The following TMEM59 variants were observed in gnomAD, a reference collection of about 807,000 sequenced individuals.
The protein encoded by TMEM59 is dendritic cell factor 1.
TMEM59 carries 44 observed loss-of-function variants against 42.2 expected under a neutral mutation model. That is an observed-to-expected ratio of 1.04 (90% confidence interval 0.82 to 1.34). TMEM59 has a LOEUF of 1.34. TMEM59 is among the 40% of genes most tolerant of loss of function. The probability of loss-of-function intolerance (pLI) is 0.00; values close to 1 mark genes in which losing one functional copy is unlikely to be tolerated. For missense variants in TMEM59, 359 were observed against 382.8 expected (o/e 0.94, Z 0.52); for synonymous variants, 148 against 145.8 (o/e 1.02, Z -0.11).
rs1433034009 is a variant in TMEM59, at chr1:54,027,670, G to A, written c.*4480C>T. On this transcript the variant is annotated 3_prime_UTR_variant, in exon 8 of 8. Coordinates refer to ENST00000234831, the MANE Select transcript of TMEM59 (RefSeq NM_004872.5). The stretch of plus-strand genomic sequence containing the variant: ...TGTAGTACCAGCTACTTGGGAGGCT[G>A]AGGCACGAGAATCGCTTGAACCTGG... 2 of 152,048 alleles carry A rather than the reference G, an allele frequency of 1.3e-5. No individual in the cohort carries two copies. The highest frequency in any genetic ancestry group is 2.9e-5 in the Non-Finnish European group (2 of 68,060). The allele number at this position is 152,048 out of a possible 1,614,324, so 9.4% of individuals were successfully genotyped here.
chr1:54,040,835 G>A lies in TMEM59; in HGVS notation c.628C>T (p.Leu210=). 1.2e-6 allele frequency: 2 copies of A among 1,613,298 alleles called. No homozygotes were observed. Among genetic ancestry groups the A allele is most frequent in the Non-Finnish European group, 1.7e-6 (2 of 1,179,488 alleles). ...RESSLSKMSY[L]QMRNSQAHRN... ...TGCGCTTGTGAATTTCTCATTTGCA[G>A]ATCTGCTGAAATAGTAAGTATGAGT... The change falls in exon 6 of 8, where the codon CTG becomes TTG. Residue 210 remains leucine (L), a splice_region_variant and synonymous_variant. Coordinates refer to ENST00000234831, the MANE Select transcript of TMEM59 (RefSeq NM_004872.5).
At chr1:54,038,996 A>G (rs1657048051) in intron 6 of TMEM59, among the ~76,000 whole-genome samples, 1 of 152,124 alleles carries the variant, frequency 6.6e-6, no homozygotes, top group Non-Finnish European at 1.5e-5. Flanking sequence ...GGTGTGTGCC[A>G]CCATGTCCAG....
At position 54,035,566 on chromosome 1, in the gene TMEM59, G is replaced by A. The variant is rs78770877; in HGVS notation, c.816+1044C>T. 1.2e-4 allele frequency among the ~76,000 whole-genome samples: 19 copies of A among 152,060 alleles called. No individual in the cohort carries two copies. In the East Asian group the frequency reaches 3.5e-3, roughly 28 times the overall value. On this transcript the variant is annotated intron_variant, in intron 7 of 7. Coordinates refer to ENST00000234831, the MANE Select transcript of TMEM59 (RefSeq NM_004872.5). Reference sequence around the variant, plus strand: ...TCACAATGTCTCCCATCTCTTTTGGGGTTAGATACCAGAATATAACAACTC... The same window carrying A: ...TCACAATGTCTCCCATCTCTTTTGGAGTTAGATACCAGAATATAACAACTC...
At chr1:54,040,606 A>G (rs1022967128) in intron 6 of TMEM59, 150 bp downstream of exon 6, 1 of 622,970 alleles carries the variant, frequency 1.6e-6, no homozygotes, top group Non-Finnish European at 2.7e-6. Flanking sequence ...CCTTTTAAAC[A>G]AACTAAAATA....
At chr1:54,045,583 A>T in intron 3 of TMEM59, 109 bp downstream of exon 3, 1 of 1,093,742 alleles carries the variant, frequency 9.1e-7, no homozygotes. Flanking sequence ...CTGAAAGCCA[A>T]ATATAAAATA....
At chr1:54,040,645 G>A (rs1206254580) in intron 6 of TMEM59, 111 bp downstream of exon 6, 1 of 796,096 alleles carries the variant, frequency 1.3e-6, no homozygotes, top group African/African-American at 1.8e-5. Flanking sequence ...AAAGGAACAA[G>A]TAAAAAGGTT....
At position 54,040,735 on chromosome 1, in the gene TMEM59, A is replaced by G. The variant is rs748103186; in HGVS notation, c.707+21T>C. The G allele has an allele frequency of 1.6e-5, 26 of 1,579,808 alleles. No individual in the cohort carries two copies. The South Asian group carries it at 2.7e-4, about 16-fold the overall frequency. On this transcript the variant is annotated intron_variant, in intron 6 of 7. Coordinates refer to ENST00000234831, the MANE Select transcript of TMEM59 (RefSeq NM_004872.5). ...AAGCCAGATTTTATCTGTTATACAC[A>G]TAATAAAGAGGAATACATACAGAGA...
chr1:54,047,903 G>A (rs569585434), intron 1 of TMEM59: 2 of 155,382 alleles, frequency 1.3e-5, no homozygotes, highest in Admixed American at 1.3e-4. Context: ...AGGAGTTTGA[G>A]GGTACAGTGA....
intron 1 of TMEM59, among the ~76,000 whole-genome samples, chr1:54,049,013 A>G (rs1657439802): frequency 6.6e-6 from 1 of 152,234 alleles, no homozygotes; most frequent in African/African-American, 2.4e-5. Context: ...ATTTCCTTAT[A>G]TTGCACAAAG....
intron 6 of TMEM59, 49 bp from the exon 7 acceptor site, chr1:54,036,767 C>T: frequency 7.5e-7 from 1 of 1,340,044 alleles, no homozygotes; most frequent in East Asian, 2.6e-5. Context: ...TTATAAGAAA[C>T]AGGAAATTCT....
intron 1 of TMEM59, 129 bp downstream of exon 1, chr1:54,052,871 G>A: frequency 1.9e-6 from 2 of 1,059,736 alleles, no homozygotes; most frequent in Non-Finnish European, 2.7e-6. Flanking sequence ...GAAAACAGGA[G>A]CTACACAGAT....
Position 54,027,069 on chromosome 1 carries a change from A to G in TMEM59, c.*5081T>C, listed in dbSNP as rs1656622638. The stretch of plus-strand genomic sequence containing the variant: ...AAATTTTAAATCTTTCTTTTCACCA[A>G]CTTCTAACTGAAATATAACATTTCC... On this transcript the variant is annotated 3_prime_UTR_variant, in exon 8 of 8. Transcript: ENST00000234831. 1 of 152,262 alleles carries G rather than the reference A, an allele frequency of 6.6e-6. No individual in the cohort carries two copies. The highest frequency in any genetic ancestry group is 2.4e-5 in the African/African-American group (1 of 41,464). The allele number at this position is 152,262 out of a possible 1,614,324, so 9.4% of individuals were successfully genotyped here.
intron 2 of TMEM59, 78 bp from the exon 3 acceptor site, chr1:54,045,864 T>C (rs1277556507): frequency 3.8e-6 from 5 of 1,325,196 alleles, no homozygotes; most frequent in Non-Finnish European, 5.1e-6. Flanking sequence ...GGCATTTTAT[T>C]AAAAAAATTT....
chr1:54,045,477 A>G, intron 3 of TMEM59: 1 of 480,090 alleles, frequency 2.1e-6, no homozygotes, highest in Non-Finnish European at 3.7e-6. Context: ...AAGAAACAAA[A>G]TAAGATTATG....
intron 6 of TMEM59, among the ~76,000 whole-genome samples, chr1:54,037,768 T>C (rs1274464937): frequency 1.3e-5 from 2 of 152,242 alleles, no homozygotes; most frequent in Admixed American, 6.5e-5. Context: ...GGAACTCCCA[T>C]ATGATTCTTT....
Position 54,030,735 on chromosome 1 carries a change from A to C in TMEM59, c.*1415T>G. 1 of 152,194 alleles carries C rather than the reference A, an allele frequency of 6.6e-6. No individual in the cohort carries two copies. The highest frequency in any genetic ancestry group is 1.5e-5 in the Non-Finnish European group (1 of 68,032). The allele number at this position is 152,194 out of a possible 1,614,324, so 9.4% of individuals were successfully genotyped here. ...TCATCCAAATCTAGACAAACTAAAA[A>C]TAAAAACCTACACTTTGTGACCAAA... On this transcript the variant is annotated 3_prime_UTR_variant, in exon 8 of 8. Transcript: ENST00000234831.
intron 1 of TMEM59, 47 bp from the exon 2 acceptor site, chr1:54,047,419 T>C (rs1273612413): frequency 6.6e-7 from 1 of 1,515,362 alleles, no homozygotes; most frequent in East Asian, 2.3e-5. Flanking sequence ...TAGTATTTTT[T>C]TTTCCTCAGG....
At chr1:54,032,858 T>A (rs898424282) in intron 7 of TMEM59, among the ~76,000 whole-genome samples, 1 of 150,722 alleles carries the variant, frequency 6.6e-6, no homozygotes, top group African/African-American at 2.4e-5. Flanking sequence ...CATTGGAGAA[T>A]AATAGTAATA....
At position 54,027,910 on chromosome 1, in the gene TMEM59, A is replaced by G. The variant is rs1282521156; in HGVS notation, c.*4240T>C. 6.6e-6 allele frequency: 1 copy of G among 152,252 alleles called. No individual in the cohort carries two copies. The highest frequency in any genetic ancestry group is 1.5e-5 in the Non-Finnish European group (1 of 68,056). 9.4% of individuals were successfully genotyped at this position (152,252 alleles called of 1,614,324 possible). On this transcript the variant is annotated 3_prime_UTR_variant, in exon 8 of 8. Coordinates refer to ENST00000234831, the MANE Select transcript of TMEM59 (RefSeq NM_004872.5). ...TACCATCCAGCTTCCTAAACAGAAG[A>G]CTAAATTTCCCGCTATCCCTGTCTT...
Sources: allele counts gnomAD v4.1 joint callset (sites outside exome capture counted in the v4.1 genomes callset), GRCh38; gene constraint gnomAD v4.1.1; transcripts MANE v1.5; gene names NCBI Gene and HGNC (gene_info 2026-07-23, HGNC 2026-07-21).